Variants in CENPP observed in about 807,000 individuals in gnomAD.
The protein encoded by CENPP is centromere protein P.
CENPP carries 24 observed loss-of-function variants against 35.6 expected under a neutral mutation model. That is an observed-to-expected ratio of 0.67 (90% CI 0.49 to 0.95). The LOEUF (loss-of-function observed/expected upper bound fraction) is 0.95. Among genes scored for constraint, CENPP ranks in the 40% least tolerant of loss-of-function variants. The pLI is 0.00. For missense variants in CENPP, 332 were observed against 345.3 expected, an observed-to-expected ratio of 0.96 and a Z score of 0.31; for synonymous variants, 120 against 125.5, an observed-to-expected ratio of 0.96 and a Z score of 0.29.
chr9:92,572,037 T>C (rs1850157330), intron 5 of CENPP, among the ~76,000 whole-genome samples: 1 of 140,382 alleles, frequency 7.1e-6, no homozygotes, highest in South Asian at 2.5e-4. Context: ...CTTGACTCTT[T>C]ATCCAATTTG....
chr9:92,388,986 T>C (rs1227481758), intron 5 of CENPP, among the ~76,000 whole-genome samples: 1 of 152,090 alleles, frequency 6.6e-6, no homozygotes, highest in African/African-American at 2.4e-5. Flanking sequence ...TAATGAAAAA[T>C]GAAAAAATGG....
intron 3 of CENPP, chr9:92,340,286 G>A (rs1006184236): frequency 1.3e-5 from 2 of 152,242 alleles, no homozygotes; most frequent in Non-Finnish European, 2.9e-5. Context: ...GAGCTTCTTA[G>A]TGGAGTTATA....
chr9:92,476,589 T>C lies in CENPP; in HGVS notation c.564+96730T>C, dbSNP rs77998326. Reference sequence around the variant, plus strand: ...TGTGATAATCCACACTAACTTATGCTAGGAAGGAGGTTACAGGACAGATCT... The same window carrying C: ...TGTGATAATCCACACTAACTTATGCCAGGAAGGAGGTTACAGGACAGATCT... On this transcript the variant is annotated intron_variant, in intron 5 of 7. Coordinates refer to ENST00000375587, the MANE Select transcript of CENPP (RefSeq NM_001012267.3). This position sits in a 1 kb window ranked among gnomAD's most constrained non-coding sequence, Gnocchi z 4.1. Among the ~76,000 whole-genome samples, 1 of 152,184 alleles carries C rather than the reference T, an allele frequency of 6.6e-6. No homozygotes were observed.
intron 5 of CENPP, chr9:92,401,055 A>C: frequency 1.0e-6 from 1 of 971,680 alleles, no homozygotes; most frequent in Non-Finnish European, 1.6e-6. Flanking sequence ...AGCTATTTTT[A>C]AAAGATCCAT....
chr9:92,556,732 G>A (rs1037250794), intron 5 of CENPP, among the ~76,000 whole-genome samples: 2 of 152,162 alleles, frequency 1.3e-5, no homozygotes, highest in Non-Finnish European at 2.9e-5. Context: ...GTCCTTATGT[G>A]TTAAGTGAGT....
intron 5 of CENPP, among the ~76,000 whole-genome samples, chr9:92,565,381 T>C (rs1322412494): frequency 2.0e-5 from 3 of 150,432 alleles, no homozygotes; most frequent in African/African-American, 7.3e-5. Flanking sequence ...AAAGTCATCC[T>C]GGGCTGCATG....
chr9:92,371,571 A>C (rs958813408), intron 4 of CENPP, among the ~76,000 whole-genome samples: 1 of 152,168 alleles, frequency 6.6e-6, no homozygotes, highest in African/African-American at 2.4e-5. Flanking sequence ...TGATGAAAAG[A>C]ATGTACATTC....
chr9:92,395,183 C>T (rs1350113775), intron 5 of CENPP, among the ~76,000 whole-genome samples: 1 of 152,154 alleles, frequency 6.6e-6, no homozygotes, highest in Non-Finnish European at 1.5e-5. Context: ...TTCTCCTGCC[C>T]TTTGGTAATC....
chr9:92,461,476 T>C (rs1845108138), intron 5 of CENPP, among the ~76,000 whole-genome samples: 1 of 152,226 alleles, frequency 6.6e-6, no homozygotes, highest in Non-Finnish European at 1.5e-5. Flanking sequence ...TCCCTCCTTT[T>C]TTCTCCCTCT....
chr9:92,420,118 C>T (rs1843741912), intron 5 of CENPP, among the ~76,000 whole-genome samples: 1 of 152,170 alleles, frequency 6.6e-6, no homozygotes, highest in South Asian at 2.1e-4. Context: ...CACCCGCATC[C>T]TGGGTTTTGT....
intron 5 of CENPP, among the ~76,000 whole-genome samples, chr9:92,470,228 A>G (rs1845461359): frequency 6.6e-6 from 1 of 152,250 alleles, no homozygotes; most frequent in South Asian, 2.1e-4. Context: ...TAAAGATCCA[A>G]TAAATAAGCC....
chr9:92,494,517 A>C (rs1330611762), intron 5 of CENPP, among the ~76,000 whole-genome samples: 6 of 152,134 alleles, frequency 3.9e-5, no homozygotes, highest in African/African-American at 9.6e-5. Flanking sequence ...TAAGTCTTTG[A>C]CTCTTGAGTC....
chr9:92,486,889 C>T (rs933986273), intron 5 of CENPP, among the ~76,000 whole-genome samples: 4 of 151,206 alleles, frequency 2.6e-5, no homozygotes, highest in Admixed American at 6.6e-5. Flanking sequence ...TTAAGCAATT[C>T]TCCTGCCTCA....
chr9:92,470,968 A>T (rs558981562), intron 5 of CENPP, among the ~76,000 whole-genome samples: 3 of 152,284 alleles, frequency 2.0e-5, no homozygotes, highest in Admixed American at 2.0e-4. Flanking sequence ...TGAGTAACTT[A>T]TTAATTTTTA....
At chr9:92,366,295 G>A (rs1841888024) in intron 4 of CENPP, among the ~76,000 whole-genome samples, 1 of 152,088 alleles carries the variant, frequency 6.6e-6, no homozygotes, top group African/African-American at 2.4e-5. Context: ...TACTGGAATT[G>A]GAATGATAGA....
intron 1 of CENPP, among the ~76,000 whole-genome samples, chr9:92,330,904 G>C (rs1314833459): frequency 6.6e-6 from 1 of 151,906 alleles, no homozygotes; most frequent in Non-Finnish European, 1.5e-5. Flanking sequence ...TGGCCAGGCT[G>C]GTCTCGAACT....
At chr9:92,450,700 A>G (rs907026127) in intron 5 of CENPP, among the ~76,000 whole-genome samples, 3 of 152,130 alleles carry the variant, frequency 2.0e-5, no homozygotes, top group African/African-American at 7.2e-5. Flanking sequence ...GAACTAGTTT[A>G]CAGTCCTACC....
rs532675940 is a variant in CENPP at position 92,356,006 on chromosome 9, A to G, written c.467+10219A>G. ...AAATTGATAGAGTTTCTAAATTTTC[A>G]TATCATATCAGAATATATAAACACA... is the stretch of plus-strand genomic sequence containing the variant. On this transcript the variant is annotated intron_variant, in intron 4 of 7. Coordinates refer to ENST00000375587, the MANE Select transcript of CENPP (RefSeq NM_001012267.3). Among the ~76,000 whole-genome samples the G allele has an allele frequency of 1.5e-3, 223 of 152,346 alleles. 8 individuals carry two copies. The South Asian group carries it at 0.045, about 31-fold the overall frequency.
In CENPP at chr9:92,591,633, T is replaced by C. The variant is rs564516979; in HGVS notation, c.565-19681T>C. ...GAAATAAAATAGATGATATGTTCTT[T>C]GTAACAAATCCTGGAGAATCTGTCT... On this transcript the variant is annotated intron_variant, in intron 5 of 7. Transcript: ENST00000375587. Among the ~76,000 whole-genome samples the C allele has an allele frequency of 2.0e-5, 3 of 152,030 alleles. No homozygotes were observed. In the South Asian group the frequency reaches 6.2e-4, roughly 32 times the overall value.
Sources: allele counts gnomAD v4.1 joint callset (sites outside exome capture counted in the v4.1 genomes callset), GRCh38; gene constraint gnomAD v4.1.1; non-coding constraint Gnocchi (gnomAD v3.1); transcripts MANE v1.5; gene names NCBI Gene and HGNC (gene_info 2026-07-23, HGNC 2026-07-21).